The following ANKRD26 variants were observed in gnomAD, a reference collection of about 807,000 sequenced individuals.
ANKRD26 encodes the protein ankyrin repeat domain 26.
In ANKRD26, 141 loss-of-function variants were observed where a neutral mutation model predicts 208.7. The observed-to-expected ratio is 0.68, with a 90% CI of 0.59 to 0.78. ANKRD26 has a LOEUF of 0.78. Among genes scored for constraint, ANKRD26 ranks in the 30% least tolerant of loss-of-function variants. The probability of loss-of-function intolerance (pLI) is 0.00; values close to 1 mark genes in which losing one functional copy is unlikely to be tolerated. For missense variants in ANKRD26, 1,889 were observed against 1,938.7 expected, an observed-to-expected ratio of 0.97 and a Z score of 0.48; for synonymous variants, 636 against 660.4, an observed-to-expected ratio of 0.96 and a Z score of 0.57.
chr10:27,012,886 C>T lies in ANKRD26; in HGVS notation c.4949G>A (p.Ser1650Asn). The stretch of plus-strand genomic sequence containing the variant: ...AAAAAAGACAACATAACTAACCTTG[C>T]TCAAGTAGTTCTCCATGCTATTATT... ...ASNNSMENYL[S>N]KMQQELEKNI... is the part of the protein sequence containing the mutation. The change falls in exon 32 of 34, where the codon AGC (serine) becomes AAC (asparagine). Residue 1650 changes from serine to asparagine, a missense_variant. By Grantham distance (46) the Ser-to-Asn change is conservative. Transcript: ENST00000376087. 1 of 1,612,740 alleles carries T rather than the reference C, an allele frequency of 6.2e-7. No individual in the cohort carries two copies. The highest frequency in any genetic ancestry group is 8.5e-7 in the Non-Finnish European group (1 of 1,178,798).
the ANKRD26 span, among the ~76,000 whole-genome samples, chr10:26,967,808 C>CTAA: frequency 6.6e-6 from 1 of 152,174 alleles, no homozygotes; most frequent in African/African-American, 2.4e-5. Flanking sequence ...TAACCTACAT[C>CTAA]TAATCATTTA....
At chr10:27,050,055 T>C (rs1232272911) in intron 16 of ANKRD26, among the ~76,000 whole-genome samples, 1 of 151,386 alleles carries the variant, frequency 6.6e-6, no homozygotes, top group Non-Finnish European at 1.5e-5. Flanking sequence ...ACCCCATCTC[T>C]ACTAAAATAC....
intron 12 of ANKRD26, among the ~76,000 whole-genome samples, chr10:27,063,114 C>T (rs2055121779): frequency 6.6e-6 from 1 of 152,012 alleles, no homozygotes; most frequent in African/African-American, 2.4e-5. Context: ...ACCACATATG[C>T]CTGTATTCAT....
At chr10:27,085,660 C>T (rs181345438) in intron 5 of ANKRD26, among the ~76,000 whole-genome samples, 19 of 152,138 alleles carry the variant, frequency 1.2e-4, no homozygotes, top group African/African-American at 4.6e-4. Context: ...GTTGAGTTCC[C>T]CCTTTTAAAG....
downstream of ANKRD26, among the ~76,000 whole-genome samples, chr10:26,969,891 G>A (rs578251942): frequency 6.0e-5 from 9 of 150,764 alleles, no homozygotes; most frequent in South Asian, 1.0e-3. Flanking sequence ...CTGGTGTGCC[G>A]TGATGCGATC....
intron 17 of ANKRD26, 68 bp from the exon 18 acceptor site, chr10:27,046,591 G>A: frequency 7.0e-7 from 1 of 1,435,970 alleles, no homozygotes; most frequent in Non-Finnish European, 9.6e-7. Flanking sequence ...CATGCAGAAA[G>A]AGAGTTAAGG....
intron 20 of ANKRD26, among the ~76,000 whole-genome samples, chr10:27,041,486 G>A (rs1046411786): frequency 3.9e-5 from 6 of 152,088 alleles, no homozygotes; most frequent in African/African-American, 1.4e-4. Context: ...CTCAGGAGTG[G>A]GGAATTAGCC....
At chr10:27,012,592 A>G (rs2053152141) in intron 32 of ANKRD26, among the ~76,000 whole-genome samples, 1 of 152,148 alleles carries the variant, frequency 6.6e-6, no homozygotes, top group South Asian at 2.1e-4. Context: ...AGGCAGGCAG[A>G]TCATTTGAAA....
intron 5 of ANKRD26, among the ~76,000 whole-genome samples, chr10:26,976,339 G>A (rs61851001): frequency 1.3e-5 from 2 of 151,642 alleles, no homozygotes; most frequent in Non-Finnish European, 2.9e-5. Context: ...CTCAGCCTCC[G>A]GAGTAGCTGG....
downstream of ANKRD26, among the ~76,000 whole-genome samples, chr10:26,972,914 T>C (rs1366368368): frequency 6.6e-6 from 1 of 152,014 alleles, no homozygotes; most frequent in Non-Finnish European, 1.5e-5. Flanking sequence ...TTTCAAGCTA[T>C]CTTAATGCTG....
chr10:26,952,079 A>G, the ANKRD26 span, among the ~76,000 whole-genome samples: 2 of 152,210 alleles, frequency 1.3e-5, no homozygotes, highest in Non-Finnish European at 2.9e-5. Flanking sequence ...CTTCAGGGCC[A>G]GATAGCAGCC....
chr10:27,045,165 T>C (rs1464303970), intron 18 of ANKRD26, among the ~76,000 whole-genome samples: 1 of 152,256 alleles, frequency 6.6e-6, no homozygotes. Flanking sequence ...GGCTCACGCC[T>C]GTAATCTCAG....
At chr10:27,054,854 G>C (rs2054788687) in intron 15 of ANKRD26, among the ~76,000 whole-genome samples, 1 of 152,190 alleles carries the variant, frequency 6.6e-6, no homozygotes, top group Non-Finnish European at 1.5e-5. Flanking sequence ...TTAGGCAGAA[G>C]TCAGATGATG....
intron 12 of ANKRD26, chr10:27,062,332 A>G: frequency 3.4e-6 from 2 of 579,940 alleles, no homozygotes; most frequent in South Asian, 7.5e-5. Context: ...GCCTTGAATT[A>G]TTGTCCAATG....
intron 4 of ANKRD26, among the ~76,000 whole-genome samples, chr10:26,997,792 G>A (rs1554769337): frequency 6.6e-6 from 1 of 152,180 alleles, no homozygotes; most frequent in Non-Finnish European, 1.5e-5. Context: ...CACAGCTGTG[G>A]CTTGTTTGCT....
At chr10:26,986,570 A>T (rs1284119512) in intron 3 of ANKRD26, among the ~76,000 whole-genome samples, 6 of 152,248 alleles carry the variant, frequency 3.9e-5, no homozygotes, top group African/African-American at 1.4e-4. Flanking sequence ...AATGAACTCA[A>T]ACAAATTTAC....
rs747435631 is a variant in ANKRD26, at chr10:27,035,218, T to C, written c.3232A>G (p.Ile1078Val). ...KTESKLNSLEIEFHHTRDALR... is the reference protein window; with the variant it reads ...KTESKLNSLEVEFHHTRDALR... ...GCATCTCTCGTGTGATGGAACTCAA[T>C]TTCTAGGCTATTGAGTTTACTTTCA... Residue 1078 changes from isoleucine to valine, a missense_variant, in exon 24 of 34, where the codon ATT becomes GTT. Transcript: ENST00000376087. 3 of 1,614,098 alleles carry C rather than the reference T, an allele frequency of 1.9e-6. No individual in the cohort carries two copies. Among genetic ancestry groups the C allele is most frequent in the Admixed American group, 3.3e-5 (2 of 60,026 alleles).
the ANKRD26 span, among the ~76,000 whole-genome samples, chr10:26,963,857 G>A: frequency 8.6e-6 from 1 of 116,870 alleles, no homozygotes; most frequent in Non-Finnish European, 1.8e-5. Flanking sequence ...GGTTTTGTTT[G>A]TGTTATTTTT....
At chr10:27,038,874 TA>T (rs2054132563) in intron 21 of ANKRD26, among the ~76,000 whole-genome samples, 1 of 152,192 alleles carries the variant, frequency 6.6e-6, no homozygotes, top group African/African-American at 2.4e-5. Flanking sequence ...ATAGCATAAT[TA>T]AAGATTAGGC....
Sources: allele counts gnomAD v4.1 joint callset (sites outside exome capture counted in the v4.1 genomes callset), GRCh38; gene constraint gnomAD v4.1.1; transcripts MANE v1.5; gene names NCBI Gene and HGNC (gene_info 2026-07-23, HGNC 2026-07-21).